The following MTERF4 variants were observed in gnomAD, a reference collection of about 807,000 sequenced individuals.
MTERF4 encodes mitochondrial transcription termination factor 4, also known as transcription termination factor 4, mitochondrial.
A neutral mutation model predicts 22.5 loss-of-function variants in MTERF4; 17 were observed. The observed-to-expected ratio is 0.75, with a 90% CI of 0.52 to 1.13. The LOEUF (loss-of-function observed/expected upper bound fraction) is 1.13. Ranked by LOEUF, MTERF4 falls within the 50% of genes most tolerant of loss-of-function variation. The probability of loss-of-function intolerance (pLI) is 0.00; values close to 1 mark genes in which losing one functional copy is unlikely to be tolerated. For synonymous variants in MTERF4, 165 were observed against 175.3 expected, an observed-to-expected ratio of 0.94 and a Z score of 0.47; for missense variants, 420 against 466.8, an observed-to-expected ratio of 0.90 and a Z score of 0.92.
the MTERF4 span, among the ~76,000 whole-genome samples, chr2:241,067,167 G>A: frequency 6.6e-6 from 1 of 152,212 alleles, no homozygotes; most frequent in African/African-American, 2.4e-5. Context: ...ATGGTGGGTG[G>A]AAGGGACCGC....
At chr2:241,057,439 A>T in the MTERF4 span, among the ~76,000 whole-genome samples, 1 of 142,760 alleles carries the variant, frequency 7.0e-6, no homozygotes, top group Non-Finnish European at 1.5e-5. Context: ...CACACATATA[A>T]TGGGAGGTCA....
At chr2:241,052,946 C>T in the MTERF4 span, among the ~76,000 whole-genome samples, 4 of 152,096 alleles carry the variant, frequency 2.6e-5, no homozygotes, top group South Asian at 8.3e-4. Context: ...TCTTGCTAAT[C>T]CCTGCAGAGC....
the MTERF4 span, among the ~76,000 whole-genome samples, chr2:241,047,779 T>C: frequency 1.3e-5 from 2 of 149,954 alleles, no homozygotes; most frequent in African/African-American, 4.9e-5. Context: ...TATCCAATCC[T>C]GGGTGGTCTC....
chr2:241,052,356 C>T, the MTERF4 span: 4 of 1,571,652 alleles, frequency 2.5e-6, no homozygotes, highest in Non-Finnish European at 3.5e-6. Context: ...TTCTGGCAGC[C>T]CCCTCCCCCT....
At chr2:241,048,191 G>T in the MTERF4 span, 1 of 1,182,004 alleles carries the variant, frequency 8.5e-7, no homozygotes, top group South Asian at 1.6e-5. Context: ...TAAGCTTCTG[G>T]CTTAAATTCC....
chr2:241,047,868 T>TCC, the MTERF4 span, among the ~76,000 whole-genome samples: 11 of 151,700 alleles, frequency 7.3e-5, no homozygotes, highest in East Asian at 1.8e-3. Flanking sequence ...GTGGCTTCTC[T>TCC]GGTGCTTCTT....
the MTERF4 span, chr2:241,064,190 G>GCTGCCCGCCCT: frequency 1.7e-6 from 2 of 1,153,904 alleles, no homozygotes; most frequent in South Asian, 1.5e-5. This position sits in a 1 kb window ranked among gnomAD's most constrained non-coding sequence, Gnocchi z 7.0. Context: ...CTGCCCGCCT[G>GCTGCCCGCCCT]CTGCCCGCCC....
chr2:241,082,320 G>C (rs539827809), downstream of MTERF4: 3 of 1,613,702 alleles, frequency 1.9e-6, no homozygotes, highest in South Asian at 3.3e-5. Context: ...TGTTCTCCGA[G>C]ACAAAGGCCT....
At chr2:241,089,454 A>G (rs1214017304), downstream of MTERF4, 8 of 1,540,752 alleles carry the variant, frequency 5.2e-6, no homozygotes, top group African/African-American at 1.1e-4. Context: ...CACACACACC[A>G]AAGGAAGAGT....
chr2:241,081,552 A>G, intron 4 of MTERF4: 1 of 705,932 alleles, frequency 1.4e-6, no homozygotes, highest in Non-Finnish European at 2.5e-6. Flanking sequence ...AGGCCACCGC[A>G]GCACACCACA....
chr2:241,066,827 G>A, the MTERF4 span, among the ~76,000 whole-genome samples: 1 of 152,194 alleles, frequency 6.6e-6, no homozygotes, highest in Non-Finnish European at 1.5e-5. Context: ...AGGGCATTGA[G>A]GGACAGGAGA....
exon 5 of MTERF4, chr2:241,072,219 T>A (rs16843224): frequency 3.8e-6 from 2 of 531,442 alleles, no homozygotes; most frequent in Non-Finnish European, 7.2e-6. Context: ...AGCTTTGTTT[T>A]AGTAAACCAT....
the MTERF4 span, among the ~76,000 whole-genome samples, chr2:241,062,017 CTTCTT>C: frequency 6.6e-6 from 1 of 152,162 alleles, no homozygotes; most frequent in Non-Finnish European, 1.5e-5. Context: ...GTGGAGTTCT[CTTCTT>C]CATATAATGC....
At chr2:241,057,474 G>A in the MTERF4 span, among the ~76,000 whole-genome samples, 1 of 148,772 alleles carries the variant, frequency 6.7e-6, no homozygotes, top group African/African-American at 2.5e-5. Flanking sequence ...TTTGAGCCCA[G>A]CAGTTCAAGA....
downstream of MTERF4, chr2:241,071,400 G>A: frequency 1.5e-6 from 1 of 688,634 alleles, no homozygotes; most frequent in Non-Finnish European, 2.5e-6. Flanking sequence ...GGCTGGAAGG[G>A]AACCCAGGGC....
the MTERF4 span, chr2:241,050,015 C>T: frequency 9.7e-7 from 1 of 1,035,546 alleles, no homozygotes; most frequent in South Asian, 1.3e-5. Context: ...TCTGCTGTCT[C>T]TCTCCTTGTT....
At chr2:241,052,170 G>A in the MTERF4 span, 2 of 1,607,066 alleles carry the variant, frequency 1.2e-6, no homozygotes, top group East Asian at 2.2e-5. Context: ...AAGGTGGGTG[G>A]GAGGCCAGGC....
chr2:241,086,781 A>G (rs1257366613), downstream of MTERF4, among the ~76,000 whole-genome samples: 1 of 152,234 alleles, frequency 6.6e-6, no homozygotes, highest in Non-Finnish European at 1.5e-5. Flanking sequence ...CTGACATTTG[A>G]GAACTTTAAC....
At chr2:241,053,388 G>A in the MTERF4 span, 2 of 1,485,636 alleles carry the variant, frequency 1.3e-6, no homozygotes, top group African/African-American at 1.4e-5. Context: ...TCCTGGCCAT[G>A]TGGAGGAGCA....
Sources: allele counts gnomAD v4.1 joint callset (sites outside exome capture counted in the v4.1 genomes callset), GRCh38; gene constraint gnomAD v4.1.1; non-coding constraint Gnocchi (gnomAD v3.1); transcripts MANE v1.5; gene names NCBI Gene and HGNC (gene_info 2026-07-23, HGNC 2026-07-21).